ATG5: variants seen among roughly 807,000 people sequenced by gnomAD.
The protein encoded by ATG5 is autophagy related 5.
A neutral mutation model predicts 36.5 loss-of-function variants in ATG5; 14 were observed. The observed-to-expected ratio is 0.38, with a 90% CI of 0.25 to 0.60. The LOEUF is 0.60. Among genes scored for constraint, ATG5 ranks in the 20% least tolerant of loss-of-function variants. The probability of loss-of-function intolerance (pLI) is 0.60; values close to 1 mark genes in which losing one functional copy is unlikely to be tolerated. For missense variants in ATG5, 195 were observed against 326.7 expected (o/e 0.60, Z 3.11); for synonymous variants, 95 against 101.5 (o/e 0.94, Z 0.38).
chr6:106,266,969 C>T (rs1490777823), intron 5 of ATG5, among the ~76,000 whole-genome samples: 1 of 152,188 alleles, frequency 6.6e-6, no homozygotes, highest in African/African-American at 2.4e-5. Flanking sequence ...TCTCACCACT[C>T]CTATTCAACA....
chr6:106,287,975 T>A (rs750728763), intron 4 of ATG5, among the ~76,000 whole-genome samples: 1 of 129,634 alleles, frequency 7.7e-6, no homozygotes, highest in Non-Finnish European at 1.6e-5. Context: ...CACAATTAAC[T>A]TTTTTTTTTT....
intron 5 of ATG5, among the ~76,000 whole-genome samples, chr6:106,278,820 T>C (rs914165315): frequency 6.6e-6 from 1 of 152,118 alleles, no homozygotes; most frequent in Admixed American, 6.5e-5. Context: ...ATAACAGACA[T>C]AGAGAGGCCA....
At chr6:106,192,107 C>G (rs978963179) in intron 7 of ATG5, among the ~76,000 whole-genome samples, 2 of 152,002 alleles carry the variant, frequency 1.3e-5, no homozygotes, top group African/African-American at 4.8e-5. Context: ...GAAACCTTCA[C>G]GTTTATTTAA....
chr6:106,201,965 G>T lies in ATG5; in HGVS notation c.691+7C>A, dbSNP rs960601826. On this transcript the variant is annotated splice_region_variant and intron_variant, in intron 7 of 7. Coordinates refer to ENST00000369076, the MANE Select transcript of ATG5 (RefSeq NM_004849.4). The stretch of plus-strand genomic sequence containing the variant: ...AAGAAATGTTTTAATGTTGCTGATT[G>T]TATTACCTTCAGGATCAATAGCAGA... 2.1e-5 allele frequency: 34 copies of T among 1,586,452 alleles called. No homozygotes were observed. The highest frequency in any genetic ancestry group is 2.9e-5 in the Non-Finnish European group (34 of 1,157,648).
chr6:106,195,427 C>A (rs1453343425), intron 7 of ATG5, among the ~76,000 whole-genome samples: 1 of 152,120 alleles, frequency 6.6e-6, no homozygotes, highest in African/African-American at 2.4e-5. Context: ...TGAACTGAAC[C>A]AGGCAGTAAA....
intron 3 of ATG5, among the ~76,000 whole-genome samples, chr6:106,299,890 A>G (rs1770134246): frequency 6.6e-6 from 1 of 152,246 alleles, no homozygotes; most frequent in Admixed American, 6.5e-5. Flanking sequence ...AAGTTGCTGC[A>G]TTCTGATTCA....
At chr6:106,201,305 G>GTA (rs1393876826) in intron 7 of ATG5, among the ~76,000 whole-genome samples, 1 of 146,980 alleles carries the variant, frequency 6.8e-6, no homozygotes, top group Non-Finnish European at 1.5e-5. Flanking sequence ...GTGTGTGTGT[G>GTA]TCTCAACAGT....
At chr6:106,291,486 T>A (rs868858814) in intron 4 of ATG5, among the ~76,000 whole-genome samples, 2 of 152,312 alleles carry the variant, frequency 1.3e-5, no homozygotes, top group South Asian at 2.1e-4. Flanking sequence ...GGAAACAGAT[T>A]TGACCTGATG....
At chr6:106,243,672 A>C (rs1279646327) in intron 6 of ATG5, among the ~76,000 whole-genome samples, 2 of 152,006 alleles carry the variant, frequency 1.3e-5, no homozygotes, top group African/African-American at 4.8e-5. Flanking sequence ...CTCTACTAAA[A>C]ATACAAAAAT....
chr6:106,229,676 C>T (rs1414256738), intron 6 of ATG5, among the ~76,000 whole-genome samples: 2 of 152,194 alleles, frequency 1.3e-5, no homozygotes, highest in Non-Finnish European at 2.9e-5. Context: ...TTGTTGTCAG[C>T]GTAAACAAGG....
intron 6 of ATG5, among the ~76,000 whole-genome samples, chr6:106,202,903 T>A (rs1562208479): frequency 6.6e-6 from 1 of 152,176 alleles, no homozygotes; most frequent in East Asian, 1.9e-4. Context: ...GCTCAGGCAA[T>A]CTGCCGGCTT....
rs747747963 is a variant in ATG5, at chr6:106,248,171, A to G, written c.552T>C (p.Tyr184=). The G allele has an allele frequency of 4.4e-6, 7 of 1,608,882 alleles. No homozygotes were observed. Among genetic ancestry groups the G allele is most frequent in the Admixed American group, 1.7e-5 (1 of 59,998 alleles). ...CTACCTGATATATTCTAAAGGGGATATAACGAAATCCATTTTCTTCTGCAG... is the reference window on the plus strand; with the variant it reads ...CTACCTGATATATTCTAAAGGGGATGTAACGAAATCCATTTTCTTCTGCAG... The part of the protein sequence containing the change: ...EYPAEENGFR[Y]IPFRIYQTTT... The change falls in exon 6 of 8, where the codon TAT becomes TAC. Residue 184 remains tyrosine, a synonymous_variant. Coordinates refer to ENST00000369076, the MANE Select transcript of ATG5 (RefSeq NM_004849.4).
chr6:106,294,845 GAA>G (rs1219794619), intron 3 of ATG5, among the ~76,000 whole-genome samples: 7 of 85,934 alleles, frequency 8.1e-5, no homozygotes, highest in Admixed American at 2.5e-4. Context: ...CTTTTCTCAA[GAA>G]AAAAAAAAAA....
intron 6 of ATG5, among the ~76,000 whole-genome samples, chr6:106,207,766 T>C (rs1350937990): frequency 6.6e-6 from 1 of 151,998 alleles, no homozygotes. Context: ...TACAGTTACA[T>C]GATGCAACAA....
rs748346595 is a variant in ATG5, at chr6:106,186,598, T to A, written c.770A>T (p.His257Leu). 6.2e-7 allele frequency: 1 copy of A among 1,613,724 alleles called. No individual in the cohort carries two copies. The highest frequency in any genetic ancestry group is 2.2e-5 in the East Asian group (1 of 44,886). ...LETPLQWLSE[H>L]LSYPDNFLHI... is the part of the protein sequence containing the mutation. ...AAGAAAATTATCCGGGTAGCTCAGATGTTCACTCAGCCACTGCAGAGGTGT... is the reference window on the plus strand; with the variant it reads ...AAGAAAATTATCCGGGTAGCTCAGAAGTTCACTCAGCCACTGCAGAGGTGT... The change falls in exon 8 of 8, where the codon CAT becomes CTT. Residue 257 changes from histidine to leucine, a missense_variant. Physicochemically the swap from His to Leu is moderately conservative, Grantham distance 99 (BLOSUM62 -3). Transcript: ENST00000369076.
chr6:106,255,579 C>T (rs1157782280), intron 5 of ATG5, among the ~76,000 whole-genome samples: 2 of 152,120 alleles, frequency 1.3e-5, no homozygotes, highest in African/African-American at 2.4e-5. Context: ...CCAGTAACTG[C>T]CTTCATTTTT....
chr6:106,232,981 T>C (rs147016608), intron 6 of ATG5, among the ~76,000 whole-genome samples: 13 of 152,340 alleles, frequency 8.5e-5, no homozygotes, highest in African/African-American at 2.6e-4. Flanking sequence ...CCCATCTATT[T>C]GGCCAGGCAT....
At chr6:106,255,501 C>T (rs1778766851) in intron 5 of ATG5, among the ~76,000 whole-genome samples, 1 of 152,108 alleles carries the variant, frequency 6.6e-6, no homozygotes, top group South Asian at 2.1e-4. Context: ...ATTCCAATTT[C>T]AACATCACCA....
intron 5 of ATG5, among the ~76,000 whole-genome samples, chr6:106,268,015 C>CA (rs1386616247): frequency 6.6e-6 from 1 of 151,968 alleles, no homozygotes; most frequent in Non-Finnish European, 1.5e-5. Context: ...TAAACAGCTT[C>CA]TGCACAGCAA....
Sources: gnomAD v4.1 joint callset for allele counts (sites outside exome capture counted in the v4.1 genomes callset) on GRCh38, gnomAD v4.1.1 for gene constraint, MANE v1.5 for transcripts, NCBI Gene and HGNC (gene_info 2026-07-23, HGNC 2026-07-21) for gene names.